The following DIP2C variants were observed in gnomAD, a reference collection of about 807,000 sequenced individuals.
DIP2C encodes disco-interacting protein 2 homolog C.
A neutral mutation model predicts 192.4 loss-of-function variants in DIP2C; 33 were observed. The ratio of observed to expected loss-of-function variants is 0.17; its 90% CI spans 0.13 to 0.23. DIP2C has a LOEUF of 0.23. DIP2C is among the 10% of genes least tolerant of loss of function. The pLI is 1.00. For synonymous variants in DIP2C, 979 were observed against 864.1 expected, an observed-to-expected ratio of 1.13 and a Z score of -2.33; for missense variants, 1,537 against 2,110.1, an observed-to-expected ratio of 0.73 and a Z score of 5.32.
At chr10:362,175 C>CTTT (rs1165796861) in intron 22 of DIP2C, among the ~76,000 whole-genome samples, 1 of 152,120 alleles carries the variant, frequency 6.6e-6, no homozygotes, top group Non-Finnish European at 1.5e-5. Flanking sequence ...ACCCAATGTG[C>CTTT]TTAGAAAGTG....
chr10:350,336 C>A (rs1339293427), intron 24 of DIP2C, among the ~76,000 whole-genome samples: 1 of 152,180 alleles, frequency 6.6e-6, no homozygotes, highest in Non-Finnish European at 1.5e-5. Flanking sequence ...ATCTTCCCAT[C>A]TTGGCCTATT....
At chr10:523,190 C>CA (rs1487186815) in intron 1 of DIP2C, among the ~76,000 whole-genome samples, 1 of 150,084 alleles carries the variant, frequency 6.7e-6, no homozygotes, top group African/African-American at 2.5e-5. Flanking sequence ...CTCTGACCCA[C>CA]AAGCTCGTTT....
intron 1 of DIP2C, among the ~76,000 whole-genome samples, chr10:585,540 A>G (rs1485442249): frequency 6.6e-6 from 1 of 152,186 alleles, no homozygotes; most frequent in East Asian, 1.9e-4. Flanking sequence ...CACATCCTGA[A>G]GCTCCAACAC....
chr10:496,490 ACAG>A (rs1844847214), intron 1 of DIP2C, among the ~76,000 whole-genome samples: 1 of 148,584 alleles, frequency 6.7e-6, no homozygotes, highest in African/African-American at 2.5e-5. Flanking sequence ...CACAGAACCC[ACAG>A]TGCCCTCCCG....
intron 22 of DIP2C, among the ~76,000 whole-genome samples, chr10:360,137 C>T (rs962172709): frequency 2.5e-4 from 38 of 152,296 alleles, no homozygotes; most frequent in African/African-American, 8.4e-4. Context: ...AGACGTAGCA[C>T]GTTCCCTCAT....
chr10:654,812 G>A (rs1262903740), intron 1 of DIP2C, among the ~76,000 whole-genome samples: 1 of 152,130 alleles, frequency 6.6e-6, no homozygotes, highest in Non-Finnish European at 1.5e-5. Context: ...CATGCTGCGC[G>A]AGGCTACTAT....
chr10:397,611 T>TCC (rs1964099860), intron 10 of DIP2C, among the ~76,000 whole-genome samples: 1 of 151,456 alleles, frequency 6.6e-6, no homozygotes, highest in African/African-American at 2.4e-5. Flanking sequence ...ACCTGGGCAG[T>TCC]CCCTTGGGGC....
intron 1 of DIP2C, among the ~76,000 whole-genome samples, chr10:647,644 G>A (rs1855535817): frequency 6.8e-6 from 1 of 147,490 alleles, no homozygotes; most frequent in Non-Finnish European, 1.5e-5. Flanking sequence ...AGAACAGAGG[G>A]AAACTGAATC....
chr10:393,139 G>A (rs1261668156), intron 10 of DIP2C, among the ~76,000 whole-genome samples: 1 of 152,206 alleles, frequency 6.6e-6, no homozygotes, highest in Non-Finnish European at 1.5e-5. Flanking sequence ...CGGGAAACAG[G>A]TGCTACATCT....
intron 2 of DIP2C, among the ~76,000 whole-genome samples, chr10:473,986 T>TTCA (rs1970857025): frequency 6.6e-6 from 1 of 152,184 alleles, no homozygotes; most frequent in African/African-American, 2.4e-5. Flanking sequence ...TTTGCTAAGT[T>TTCA]TCATGTGCTT....
chr10:569,294 GC>G (rs1849639281), intron 1 of DIP2C, among the ~76,000 whole-genome samples: 1 of 152,166 alleles, frequency 6.6e-6, no homozygotes, highest in South Asian at 2.1e-4. Flanking sequence ...TGATTCTCAA[GC>G]ATGCCAGGAA....
Position 329,475 on chromosome 10 carries a change from C to T in DIP2C, c.3711G>A (p.Glu1237=). 3 of 1,614,146 alleles carry T rather than the reference C, an allele frequency of 1.9e-6. No individual in the cohort carries two copies. The South Asian group carries it at 3.3e-5, about 18-fold the overall frequency. ...GCGAGCCCAGCCCCTTGGTGCACAGCTCCATCACGGAGTAGGAGCAAAACG... is the reference window on the plus strand; with the variant it reads ...GCGAGCCCAGCCCCTTGGTGCACAGTTCCATCACGGAGTAGGAGCAAAACG... ...RDTFCSYSVM[E]LCTKGLGSQT... is the part of the protein sequence containing the mutation. The change falls in exon 30 of 37, where the codon GAG becomes GAA. Residue 1237 remains glutamate, a synonymous_variant. Transcript: ENST00000280886.
chr10:414,740 TA>T (rs1564679984), intron 7 of DIP2C, among the ~76,000 whole-genome samples: 1,889 of 44,570 alleles, frequency 0.042, 111 homozygotes, highest in South Asian at 0.24. Context: ...TGTGTGTGTG[TA>T]CATATATATA....
At chr10:299,704 C>T (rs1185333703) in intron 32 of DIP2C, among the ~76,000 whole-genome samples, 3 of 152,096 alleles carry the variant, frequency 2.0e-5, no homozygotes, top group Non-Finnish European at 4.4e-5. Flanking sequence ...AGTGAAAACG[C>T]AACCCAGGAA....
At chr10:347,726 A>G (rs1266206477) in intron 26 of DIP2C, among the ~76,000 whole-genome samples, 7 of 131,860 alleles carry the variant, frequency 5.3e-5, no homozygotes, top group Non-Finnish European at 9.5e-5. Context: ...ACCCAGACAC[A>G]TCGCGCATAG....
chr10:548,296 G>A (rs1022246948), intron 1 of DIP2C, among the ~76,000 whole-genome samples: 9 of 148,970 alleles, frequency 6.0e-5, no homozygotes, highest in Non-Finnish European at 1.2e-4. Context: ...TGGAGTTGTC[G>A]CCCAGAGACC....
intron 1 of DIP2C, among the ~76,000 whole-genome samples, chr10:587,331 T>C (rs1290138604): frequency 6.6e-6 from 1 of 152,150 alleles, no homozygotes; most frequent in Non-Finnish European, 1.5e-5. Context: ...CTCTCCAAGT[T>C]CCGCGTCAGT....
rs767159872 is a variant in DIP2C at position 419,171 on chromosome 10, G to A, written c.633C>T (p.Thr211=). 1.2e-6 allele frequency: 2 copies of A among 1,614,112 alleles called. No homozygotes were observed. The highest frequency in any genetic ancestry group is 1.3e-5 in the African/African-American group (1 of 74,938). ...GTATCGAGTGCTCTGAGGTGTACGT[G>A]GTTACGTCAGGAGGTGCAGAATGAT... The part of the protein sequence containing the change: ...IENHSAPPDV[T]TYTSEHSIQV... Residue 211 remains threonine, a synonymous_variant, in exon 6 of 37, where the codon ACC becomes ACT. Coordinates refer to ENST00000280886, the MANE Select transcript of DIP2C (RefSeq NM_014974.3).
chr10:530,616 A>C (rs1411945725), intron 1 of DIP2C, among the ~76,000 whole-genome samples: 1 of 148,978 alleles, frequency 6.7e-6, no homozygotes, highest in Non-Finnish European at 1.5e-5. Flanking sequence ...CCAGGAGTTC[A>C]AGATTAGCCT....
Sources: gnomAD v4.1 joint callset for allele counts (sites outside exome capture counted in the v4.1 genomes callset) on GRCh38, gnomAD v4.1.1 for gene constraint, MANE v1.5 for transcripts, NCBI Gene and HGNC (gene_info 2026-07-23, HGNC 2026-07-21) for gene names.